Variants in RNF43 observed in about 807,000 individuals in gnomAD.
RNF43 encodes the protein E3 ubiquitin-protein ligase RNF43.
RNF43 carries 37 observed loss-of-function variants against 78.4 expected under a neutral mutation model. The observed-to-expected ratio is 0.47, with a 90% confidence interval of 0.36 to 0.62. The LOEUF is 0.62. RNF43 is among the 20% of genes least tolerant of loss of function. RNF43 has a pLI of 0.00. For missense variants in RNF43, 774 were observed against 1,007.9 expected, an observed-to-expected ratio of 0.77 and a Z score of 3.14; for synonymous variants, 347 against 395.0, an observed-to-expected ratio of 0.88 and a Z score of 1.44.
chr17:58,376,365 T>C (rs1307336161), intron 2 of RNF43, among the ~76,000 whole-genome samples: 1 of 89,362 alleles, frequency 1.1e-5, no homozygotes, highest in Non-Finnish European at 2.3e-5. Context: ...TGGTGTTAGA[T>C]TTGATAAAAA....
chr17:58,405,222 T>C (rs1339355209), intron 2 of RNF43, among the ~76,000 whole-genome samples: 1 of 151,662 alleles, frequency 6.6e-6, no homozygotes, highest in Non-Finnish European at 1.5e-5. Flanking sequence ...GGACTACAGG[T>C]GCATGCCGCC....
chr17:58,409,440 A>G (rs1973978468), intron 2 of RNF43, among the ~76,000 whole-genome samples: 1 of 152,258 alleles, frequency 6.6e-6, no homozygotes, highest in African/African-American at 2.4e-5. Flanking sequence ...GAAAGGGATA[A>G]AAGGGAAAAA....
chr17:58,406,680 T>C (rs1293486274), intron 2 of RNF43, among the ~76,000 whole-genome samples: 1 of 152,032 alleles, frequency 6.6e-6, no homozygotes. Context: ...AAAAGATGTT[T>C]TTTGTTGTTT....
chr17:58,360,999 C>A lies in RNF43; in HGVS notation c.688-55G>T. On this transcript the variant is annotated intron_variant, in intron 6 of 9. Coordinates refer to ENST00000407977, the MANE Select transcript of RNF43 (RefSeq NM_017763.6). This position sits in a 1 kb window ranked among gnomAD's most constrained non-coding sequence, Gnocchi z 4.3. ...GCATGGGCTCCCCTTCCCTCCCTCT[C>A]TGGACCCAAGCTTGGACTCCGTTCC... is the stretch of plus-strand genomic sequence containing the variant. The A allele has an allele frequency of 6.7e-7, 1 of 1,486,378 alleles. No homozygotes were observed. Among genetic ancestry groups the A allele is most frequent in the South Asian group, 1.4e-5 (1 of 70,920 alleles). 92.1% of individuals were successfully genotyped at this position (1,486,378 alleles called of 1,614,324 possible). A position where few individuals can be genotyped will look rare whatever the true frequency, so the allele number is the denominator to read the frequency against.
chr17:58,367,741 G>T (rs1972987306), intron 3 of RNF43, among the ~76,000 whole-genome samples: 1 of 152,156 alleles, frequency 6.6e-6, no homozygotes, highest in South Asian at 2.1e-4. Flanking sequence ...TGACAAGAAT[G>T]GAAGCCTCCA....
chr17:58,416,716 CT>C (rs1974134970), intron 1 of RNF43: 1 of 152,122 alleles, frequency 6.6e-6, no homozygotes, highest in Admixed American at 6.5e-5. Context: ...GTAGAATACC[CT>C]GAAAAAATAC....
chr17:58,413,374 T>C (rs947111433), intron 2 of RNF43, among the ~76,000 whole-genome samples: 4 of 152,064 alleles, frequency 2.6e-5, no homozygotes, highest in African/African-American at 9.7e-5. Flanking sequence ...CCGAAACCAA[T>C]ATGGAAAGTA....
At chr17:58,404,030 T>G (rs548296102) in intron 2 of RNF43, among the ~76,000 whole-genome samples, 1 of 152,298 alleles carries the variant, frequency 6.6e-6, no homozygotes, top group East Asian at 1.9e-4. Context: ...CTCAATCTAC[T>G]ACAGATATTT....
rs367861025 is a variant in RNF43, at chr17:58,364,981, C to T, written c.376-1381G>A. Reference sequence around the variant, plus strand: ...CCTGCAGGCAGAGGAGACACTCAAGCGGGGCCCTGTTTTGGTCAGGAAGGT... The same window carrying T: ...CCTGCAGGCAGAGGAGACACTCAAGTGGGGCCCTGTTTTGGTCAGGAAGGT... On this transcript the variant is annotated intron_variant, in intron 3 of 9. Coordinates refer to ENST00000407977, the MANE Select transcript of RNF43 (RefSeq NM_017763.6). Among the ~76,000 whole-genome samples, 47 of 152,320 alleles carry T rather than the reference C, an allele frequency of 3.1e-4. 2 individuals carry two copies. In the East Asian group the frequency reaches 7.0e-3, roughly 23 times the overall value.
In RNF43 at chr17:58,355,015, G is replaced by A. The variant is rs2158459; in HGVS notation, c.2309-29C>T. ...TATTTAGAGAGCGGGGAGGAAAGAG[G>A]TCATTGAGGGTCAGGCCAGGGACCT... On this transcript the variant is annotated intron_variant, in intron 9 of 9. Transcript: ENST00000407977. 3.7e-3 allele frequency: 5,974 copies of A among 1,604,970 alleles called. 165 individuals are homozygous for A. In the African/African-American group the frequency reaches 0.068, roughly 18 times the overall value.
intron 2 of RNF43, among the ~76,000 whole-genome samples, chr17:58,393,379 C>T (rs1468570925): frequency 6.6e-6 from 1 of 152,108 alleles, no homozygotes; most frequent in Non-Finnish European, 1.5e-5. Context: ...TGCACCCCAG[C>T]CTGGGCATCC....
At position 58,358,428 on chromosome 17, in the gene RNF43, A is replaced by G. The variant is rs1972749842; in HGVS notation, c.1348T>C (p.Tyr450His). 1 of 1,613,942 alleles carries G rather than the reference A, an allele frequency of 6.2e-7. No individual in the cohort carries two copies. The highest frequency in any genetic ancestry group is 1.7e-5 in the Admixed American group (1 of 59,992). ...PPDSSGSGES[Y>H]CTERSGYLAD... ...AGGTACCCACTGCGTTCTGTGCAAT[A>G]GCTTTCTCCAGATCCACTGCTGTCA... is the stretch of plus-strand genomic sequence containing the variant. The change falls in exon 9 of 10, where the codon TAT becomes CAT. Residue 450 changes from tyrosine to histidine, a missense_variant. Coordinates refer to ENST00000407977, the MANE Select transcript of RNF43 (RefSeq NM_017763.6). This position sits in a 1 kb window ranked among gnomAD's most constrained non-coding sequence, Gnocchi z 6.2.
At chr17:58,408,241 A>T (rs897601520) in intron 2 of RNF43, among the ~76,000 whole-genome samples, 5 of 152,234 alleles carry the variant, frequency 3.3e-5, no homozygotes, top group African/African-American at 1.2e-4. Flanking sequence ...ATCTCTAGAT[A>T]TGTCTTAGAG....
chr17:58,415,739 T>C lies in RNF43; in HGVS notation c.-162A>G. ...GGCCCTTCCTTTCTCTAAAGTTTAT[T>C]CCCAAAAACAGGTAGCATTCCTGAT... On this transcript the variant is annotated 5_prime_UTR_variant, in exon 2 of 10. Transcript: ENST00000407977. The C allele has an allele frequency of 4.0e-6, 3 of 753,088 alleles. No homozygotes were observed. Among genetic ancestry groups the C allele is most frequent in the Middle Eastern group, 3.8e-4 (1 of 2,628 alleles). The allele number at this position is 753,088 out of a possible 1,614,324, so 46.7% of individuals were successfully genotyped here.
intron 5 of RNF43, 29 bp downstream of exon 5, chr17:58,363,246 G>A (rs1449729959): frequency 6.2e-7 from 1 of 1,610,248 alleles, no homozygotes; most frequent in Non-Finnish European, 8.5e-7. Context: ...CTAAGTGCAG[G>A]GCAAGGTCTG....
Position 58,371,234 on chromosome 17 carries a change from A to T in RNF43, c.253-201T>A, listed in dbSNP as rs553837332. On this transcript the variant is annotated intron_variant, in intron 2 of 9. Transcript: ENST00000407977. ...TTCAGGATGCTGGGGCCAAGGACAC[A>T]GGTAGTGGAGGCAGATAGGAGGGAG... Among the ~76,000 whole-genome samples the T allele has an allele frequency of 1.3e-3, 204 of 152,318 alleles. 1 individual carries two copies. The Middle Eastern group carries it at 0.014, about 10-fold the overall frequency.
chr17:58,410,759 T>C (rs1445956093), intron 2 of RNF43, among the ~76,000 whole-genome samples: 1 of 152,152 alleles, frequency 6.6e-6, no homozygotes, highest in Non-Finnish European at 1.5e-5. Flanking sequence ...ACTAGTATCT[T>C]TGCAAATGAA....
chr17:58,392,470 T>C (rs1598156568), intron 2 of RNF43, among the ~76,000 whole-genome samples: 1 of 152,222 alleles, frequency 6.6e-6, no homozygotes, highest in East Asian at 1.9e-4. Context: ...CTGGAATACA[T>C]ATGGAAGGGA....
chr17:58,411,545 A>C (rs149228224), intron 2 of RNF43, among the ~76,000 whole-genome samples: 13 of 152,240 alleles, frequency 8.5e-5, no homozygotes, highest in African/African-American at 3.1e-4. Context: ...CCAAGTGCTA[A>C]ACTACTGCTG....
Sources: allele counts gnomAD v4.1 joint callset (sites outside exome capture counted in the v4.1 genomes callset), GRCh38; gene constraint gnomAD v4.1.1; non-coding constraint Gnocchi (gnomAD v3.1); transcripts MANE v1.5; gene names NCBI Gene and HGNC (gene_info 2026-07-23, HGNC 2026-07-21).